TMEM132C: variants seen among roughly 807,000 people sequenced by gnomAD.
TMEM132C encodes transmembrane protein 132C.
In TMEM132C, 29 loss-of-function variants were observed where a neutral mutation model predicts 61.4. The observed-to-expected ratio is 0.47, with a 90% CI of 0.35 to 0.64. The LOEUF is 0.64. Among genes scored for constraint, TMEM132C ranks in the 30% least tolerant of loss-of-function variants. TMEM132C has a pLI of 0.00. For missense variants in TMEM132C, 1,408 were observed against 1,476.9 expected (o/e 0.95, Z 0.76); for synonymous variants, 656 against 633.1 (o/e 1.04, Z -0.54).
chr12:128,581,007 C>A (rs912921675), intron 3 of TMEM132C, among the ~76,000 whole-genome samples: 2 of 152,120 alleles, frequency 1.3e-5, no homozygotes, highest in African/African-American at 2.4e-5. Context: ...GAAAAATTGC[C>A]CTTGGTTGAG....
At chr12:128,594,915 T>C (rs1345916402) in intron 3 of TMEM132C, among the ~76,000 whole-genome samples, 1 of 152,252 alleles carries the variant, frequency 6.6e-6, no homozygotes, top group Non-Finnish European at 1.5e-5. Flanking sequence ...GTAGAACAGC[T>C]ACGGCCTCAG....
chr12:128,438,618 C>T (rs902174476), intron 2 of TMEM132C, among the ~76,000 whole-genome samples: 2 of 152,178 alleles, frequency 1.3e-5, no homozygotes, highest in African/African-American at 2.4e-5. Flanking sequence ...GTTAAATTCT[C>T]ATAACATAAA....
chr12:128,637,342 C>T (rs1003420074), intron 4 of TMEM132C, among the ~76,000 whole-genome samples: 7 of 152,124 alleles, frequency 4.6e-5, no homozygotes, highest in African/African-American at 4.8e-5. Flanking sequence ...TACTCCCATT[C>T]GCAGATGAGA....
intron 2 of TMEM132C, among the ~76,000 whole-genome samples, chr12:128,517,071 A>G (rs576741589): frequency 2.7e-4 from 41 of 151,728 alleles, no homozygotes; most frequent in Non-Finnish European, 5.4e-4. Flanking sequence ...AAATACAAAA[A>G]AAAAAAAAAA....
At chr12:128,697,783 C>T (rs989836829) in intron 8 of TMEM132C, among the ~76,000 whole-genome samples, 1 of 152,186 alleles carries the variant, frequency 6.6e-6, no homozygotes, top group African/African-American at 2.4e-5. Flanking sequence ...CCCACATGGC[C>T]CCACACAACA....
Position 128,707,854 on chromosome 12 carries a change from A to C in TMEM132C, c.*1559A>C, listed in dbSNP as rs752198636. 12 of 152,044 alleles carry C rather than the reference A, an allele frequency of 7.9e-5. No homozygotes were observed. Among genetic ancestry groups the C allele is most frequent in the Non-Finnish European group, 1.5e-4 (10 of 68,012 alleles). The allele number at this position is 152,044 out of a possible 1,614,324, so 9.4% of individuals were successfully genotyped here. ...ACATATTATAGATGGAAAGAAGAAG[A>C]TATTTATTTATACCTGTGATGCCAA... is the stretch of plus-strand genomic sequence containing the variant. On this transcript the variant is annotated 3_prime_UTR_variant, in exon 9 of 9. Coordinates refer to ENST00000435159, the MANE Select transcript of TMEM132C (RefSeq NM_001136103.3).
intron 3 of TMEM132C, among the ~76,000 whole-genome samples, chr12:128,554,864 G>A (rs991234091): frequency 1.3e-5 from 2 of 152,158 alleles, no homozygotes; most frequent in Admixed American, 6.5e-5. Flanking sequence ...GGTGCCTGGC[G>A]TGGAGTTCTC....
chr12:128,572,273 C>T (rs1335600713), intron 3 of TMEM132C, among the ~76,000 whole-genome samples: 8 of 146,164 alleles, frequency 5.5e-5, no homozygotes, highest in Non-Finnish European at 8.9e-5. Flanking sequence ...CTGGTCAGGC[C>T]TGGGTCACAT....
At chr12:128,365,178 C>T (rs1187136531) in intron 1 of TMEM132C, among the ~76,000 whole-genome samples, 1 of 152,192 alleles carries the variant, frequency 6.6e-6, no homozygotes, top group Non-Finnish European at 1.5e-5. Context: ...GTAATCCTCT[C>T]TTGACTCTGC....
At chr12:128,407,645 GTTC>G (rs924528774) in intron 1 of TMEM132C, among the ~76,000 whole-genome samples, 13 of 152,170 alleles carry the variant, frequency 8.5e-5, no homozygotes, top group African/African-American at 1.4e-4. Context: ...GCCCAGGCTT[GTTC>G]TTCTTCCTAC....
intron 1 of TMEM132C, chr12:128,293,972 G>C (rs2135911477): frequency 6.5e-6 from 1 of 154,470 alleles, no homozygotes; most frequent in South Asian, 2.0e-4. Flanking sequence ...ATTTCATTTG[G>C]TGCAGAATAT....
intron 2 of TMEM132C, among the ~76,000 whole-genome samples, chr12:128,466,705 A>G (rs755433455): frequency 3.3e-5 from 5 of 152,072 alleles, no homozygotes; most frequent in African/African-American, 7.2e-5. Context: ...GTTTGTAGAG[A>G]TAGGGTTTCA....
chr12:128,430,651 A>G (rs1265514191), intron 2 of TMEM132C, among the ~76,000 whole-genome samples: 1 of 152,196 alleles, frequency 6.6e-6, no homozygotes, highest in Non-Finnish European at 1.5e-5. Flanking sequence ...TTTTTCCAAC[A>G]GCACGTGCTC....
At chr12:128,654,612 G>A (rs1051146128) in intron 4 of TMEM132C, among the ~76,000 whole-genome samples, 3 of 152,140 alleles carry the variant, frequency 2.0e-5, no homozygotes, top group Non-Finnish European at 4.4e-5. Context: ...ACTCTGAGCC[G>A]CTCTGATGAT....
At chr12:128,271,951 G>T (rs761341113) in intron 1 of TMEM132C, among the ~76,000 whole-genome samples, 2 of 152,228 alleles carry the variant, frequency 1.3e-5, no homozygotes, top group Non-Finnish European at 2.9e-5. Context: ...GTGAAGGAAA[G>T]TATTACTGAA....
At position 128,683,971 on chromosome 12, in the gene TMEM132C, TAAATAAATA is replaced by T. The variant is rs1954655023; in HGVS notation, c.1450-9855_1450-9847del. On this transcript the variant is annotated intron_variant, in intron 5 of 8. Coordinates refer to ENST00000435159, the MANE Select transcript of TMEM132C (RefSeq NM_001136103.3). ...ACAAGAGCAAAACTCTGTTTGAAAT[TAAATAAATA>T]AATAAATAAATAAATAAATAAATAA... 0.025 allele frequency among the ~76,000 whole-genome samples: 3 copies of T among 122 alleles called. No homozygotes were observed. The East Asian group carries it at 0.5, about 20-fold the overall frequency. 0.1% of individuals were successfully genotyped at this position (122 alleles called of 152,430 possible).
intron 1 of TMEM132C, among the ~76,000 whole-genome samples, chr12:128,405,795 T>C (rs1875323041): frequency 6.6e-6 from 1 of 152,220 alleles, no homozygotes; most frequent in East Asian, 1.9e-4. Flanking sequence ...TGTCATGAGA[T>C]TGAGGGAGGT....
intron 3 of TMEM132C, among the ~76,000 whole-genome samples, chr12:128,551,690 A>G (rs1251848234): frequency 2.0e-5 from 3 of 152,158 alleles, no homozygotes; most frequent in East Asian, 3.9e-4. Context: ...AAAGGCAGGA[A>G]CACATCTTGC....
intron 1 of TMEM132C, among the ~76,000 whole-genome samples, chr12:128,347,405 C>G (rs1304361888): frequency 8.1e-6 from 1 of 122,994 alleles, no homozygotes; most frequent in Non-Finnish European, 1.8e-5. Flanking sequence ...ATGTCTCTCT[C>G]TCTCTCTCTC....
Sources: allele counts gnomAD v4.1 joint callset (sites outside exome capture counted in the v4.1 genomes callset), GRCh38; gene constraint gnomAD v4.1.1; transcripts MANE v1.5; gene names NCBI Gene and HGNC (gene_info 2026-07-23, HGNC 2026-07-21).